CDH8: variants seen among roughly 807,000 people sequenced by gnomAD.
CDH8 encodes cadherin-8.
A neutral mutation model predicts 68.1 loss-of-function variants in CDH8; 17 were observed. The ratio of observed to expected loss-of-function variants is 0.25; its 90% CI spans 0.17 to 0.37. CDH8 has a LOEUF of 0.37. Among genes scored for constraint, CDH8 ranks in the 10% least tolerant of loss-of-function variants. CDH8 has a pLI of 1.00. For synonymous variants in CDH8, 372 were observed against 365.1 expected, an observed-to-expected ratio of 1.02 and a Z score of -0.21; for missense variants, 763 against 999.3, an observed-to-expected ratio of 0.76 and a Z score of 3.19.
intron 3 of CDH8, among the ~76,000 whole-genome samples, chr16:61,875,014 T>C (rs919306083): frequency 3.3e-5 from 5 of 152,264 alleles, no homozygotes; most frequent in Admixed American, 6.5e-5. Context: ...ATTTTAAAAA[T>C]CTTTGGTGGA....
At chr16:62,000,521 T>TA (rs879531843) in intron 2 of CDH8, among the ~76,000 whole-genome samples, 7 of 151,928 alleles carry the variant, frequency 4.6e-5, no homozygotes, top group Non-Finnish European at 7.4e-5. Context: ...AAAGCTAGAA[T>TA]AAAAAAAAGC....
chr16:61,878,412 C>T (rs761660193), intron 3 of CDH8, among the ~76,000 whole-genome samples: 1 of 152,076 alleles, frequency 6.6e-6, no homozygotes, highest in Non-Finnish European at 1.5e-5. Flanking sequence ...GCTATAGCAC[C>T]ATGATTTTGT....
intron 3 of CDH8, among the ~76,000 whole-genome samples, chr16:61,864,292 CGGTTGGTTGGTTGGTT>C (rs59862418): frequency 3.1e-4 from 45 of 146,096 alleles, no homozygotes; most frequent in African/African-American, 7.4e-4. Context: ...GCTGGATGTC[CGGTTGGTTGGTTGGTT>C]GGTTGGTTGG....
chr16:61,789,820 A>G (rs893081097), intron 7 of CDH8, among the ~76,000 whole-genome samples: 3 of 152,074 alleles, frequency 2.0e-5, no homozygotes, highest in Admixed American at 1.3e-4. Context: ...GTTGCCACAA[A>G]ATATCATATA....
intron 10 of CDH8, among the ~76,000 whole-genome samples, chr16:61,687,489 A>G (rs1224085612): frequency 6.6e-6 from 1 of 151,902 alleles, no homozygotes; most frequent in African/African-American, 2.4e-5. Context: ...GCCACAGCCT[A>G]GTGTCTTCAA....
intron 8 of CDH8, among the ~76,000 whole-genome samples, chr16:61,730,756 A>C (rs752654935): frequency 9.2e-5 from 14 of 151,550 alleles, no homozygotes; most frequent in Non-Finnish European, 1.8e-4. Context: ...TTTACTCTGC[A>C]CTGAAAAGCT....
intron 2 of CDH8, among the ~76,000 whole-genome samples, chr16:62,008,782 A>G (rs1269578392): frequency 1.3e-5 from 2 of 152,228 alleles, no homozygotes; most frequent in Non-Finnish European, 2.9e-5. Context: ...CTTGAAAAAC[A>G]GTGGCCTTGA....
intron 10 of CDH8, chr16:61,692,870 GT>G (rs1340299714): frequency 6.6e-6 from 1 of 152,132 alleles, no homozygotes; most frequent in Non-Finnish European, 1.5e-5. Flanking sequence ...TTCTTAGTTA[GT>G]ATAATGTAGT....
intron 7 of CDH8, among the ~76,000 whole-genome samples, chr16:61,796,111 T>C (rs1192165014): frequency 2.0e-5 from 3 of 151,172 alleles, no homozygotes; most frequent in African/African-American, 7.3e-5. Context: ...GTGTGAAACA[T>C]AGTACTAAAA....
chr16:61,820,935 C>CCTTA lies in CDH8; in HGVS notation c.1010_1013dup (p.Arg338SerfsTer10). On this transcript the variant is annotated frameshift_variant, in exon 6 of 12. Transcript: ENST00000577390. LOFTEE classifies it high-confidence loss of function. ...AGCTTCCTTAGCTTACTTTTCTTAGCCTTATAATGCCATCCTGGGCCTGGG... is the reference window on the plus strand; with the variant it reads ...AGCTTCCTTAGCTTACTTTTCTTAGCCTTACTTATAATGCCATCCTGGGCCTGGG... 1 of 1,610,000 alleles carries CCTTA rather than the reference C, an allele frequency of 6.2e-7. No individual in the cohort carries two copies. Among genetic ancestry groups the CCTTA allele is most frequent in the Non-Finnish European group, 8.5e-7 (1 of 1,177,602 alleles).
intron 6 of CDH8, 129 bp downstream of exon 6, chr16:61,820,797 T>C: frequency 1.4e-6 from 1 of 690,564 alleles, no homozygotes. Flanking sequence ...AGTTATCTTG[T>C]CTTACTGCTC....
At chr16:61,772,220 A>G (rs532094414) in intron 8 of CDH8, among the ~76,000 whole-genome samples, 2 of 152,176 alleles carry the variant, frequency 1.3e-5, no homozygotes, top group East Asian at 3.9e-4. Context: ...AAAGCCTACC[A>G]GTAATATCTC....
chr16:62,020,321 T>C (rs138435594), intron 2 of CDH8, among the ~76,000 whole-genome samples: 215 of 152,264 alleles, frequency 1.4e-3, no homozygotes, highest in African/African-American at 5.0e-3. Context: ...CATGAAGATG[T>C]GCATCAAAAT....
intron 2 of CDH8, among the ~76,000 whole-genome samples, chr16:61,961,622 T>C (rs149343132): frequency 2.0e-5 from 3 of 152,308 alleles, no homozygotes; most frequent in East Asian, 1.9e-4. Context: ...TACTACTCTT[T>C]ATCTCCTAAC....
intron 7 of CDH8, among the ~76,000 whole-genome samples, chr16:61,808,747 C>G (rs1226706912): frequency 6.6e-6 from 1 of 152,188 alleles, no homozygotes. Flanking sequence ...GATGGAAATT[C>G]AAACTTCCAA....
At chr16:61,847,430 C>T (rs1208277881) in intron 4 of CDH8, among the ~76,000 whole-genome samples, 1 of 151,406 alleles carries the variant, frequency 6.6e-6, no homozygotes, top group Non-Finnish European at 1.5e-5. Flanking sequence ...CTTCCTTCTA[C>T]CTCTGCTCTC....
chr16:61,974,256 A>G (rs566721640), intron 2 of CDH8, among the ~76,000 whole-genome samples: 1 of 152,344 alleles, frequency 6.6e-6, no homozygotes, highest in Non-Finnish European at 1.5e-5. Context: ...TTCAGTAGAC[A>G]TCTGTTAGAT....
intron 10 of CDH8, among the ~76,000 whole-genome samples, chr16:61,681,210 A>C (rs896511482): frequency 6.6e-5 from 10 of 151,902 alleles, no homozygotes; most frequent in Non-Finnish European, 1.2e-4. Flanking sequence ...TGTCCACATA[A>C]ACACCTGCCC....
chr16:61,706,830 A>C (rs1596884941), intron 10 of CDH8, among the ~76,000 whole-genome samples: 1 of 152,288 alleles, frequency 6.6e-6, no homozygotes, highest in Admixed American at 6.5e-5. Flanking sequence ...GTATTTGCTA[A>C]GATACTCCTG....
Sources: allele counts gnomAD v4.1 joint callset (sites outside exome capture counted in the v4.1 genomes callset), GRCh38; gene constraint gnomAD v4.1.1; transcripts MANE v1.5; gene names NCBI Gene and HGNC (gene_info 2026-07-23, HGNC 2026-07-21).